Variants in SLC35F5 observed in about 807,000 individuals in gnomAD.
The protein encoded by SLC35F5 is solute carrier family 35 member F5, also known as HCV NS5A-transactivated protein 3.
In SLC35F5, 54 loss-of-function variants were observed where a neutral mutation model predicts 68.6. That is an observed-to-expected ratio of 0.79 (90% confidence interval 0.63 to 0.99). The LOEUF (loss-of-function observed/expected upper bound fraction) is 0.99. SLC35F5 is among the 50% of genes least tolerant of loss of function. The pLI is 0.00. For missense variants in SLC35F5, 567 were observed against 626.9 expected, an observed-to-expected ratio of 0.90 and a Z score of 1.02; for synonymous variants, 211 against 205.2, an observed-to-expected ratio of 1.03 and a Z score of -0.24.
chr2:113,737,402 A>G (rs1688133153), intron 7 of SLC35F5, among the ~76,000 whole-genome samples: 1 of 152,226 alleles, frequency 6.6e-6, no homozygotes, highest in Admixed American at 6.5e-5. Flanking sequence ...TCACATGCCT[A>G]TCTAGATAAA....
intron 1 of SLC35F5, 120 bp downstream of exon 1, chr2:113,756,250 C>T: frequency 6.5e-7 from 1 of 1,538,206 alleles, no homozygotes; most frequent in Non-Finnish European, 8.7e-7. Context: ...CCCCTAGAGA[C>T]CTTCACGGTT....
At position 113,708,285 on chromosome 2, in the gene SLC35F5, T is replaced by G. The variant is rs575555155; in HGVS notation, c.*6933A>C. Among the ~76,000 whole-genome samples, 1 of 152,352 alleles carries G rather than the reference T, an allele frequency of 6.6e-6. No homozygotes were observed. Among genetic ancestry groups the G allele is most frequent in the African/African-American group, 2.4e-5 (1 of 41,592 alleles). The stretch of plus-strand genomic sequence containing the variant: ...AAAAGAACCCCGGTTGTGATTATTT[T>G]TTTCTAACAAAATGGAATTAAAAGA... On this transcript the variant is annotated 3_prime_UTR_variant, in exon 16 of 16. Coordinates refer to ENST00000245680, the MANE Select transcript of SLC35F5 (RefSeq NM_025181.5).
chr2:113,753,840 A>G (rs562029295), intron 3 of SLC35F5, among the ~76,000 whole-genome samples: 1 of 152,336 alleles, frequency 6.6e-6, no homozygotes, highest in South Asian at 2.1e-4. Context: ...AAATGAAAAT[A>G]AAATTTAAAA....
downstream of SLC35F5, among the ~76,000 whole-genome samples, chr2:113,704,551 C>A (rs1395269717): frequency 6.6e-6 from 1 of 152,260 alleles, no homozygotes; most frequent in Non-Finnish European, 1.5e-5. Flanking sequence ...CCCTGCCCCG[C>A]GGGGAGGCAG....
chr2:113,755,484 A>T lies in SLC35F5; in HGVS notation c.101T>A (p.Leu34His). Residue 34 changes from leucine (L) to histidine (H), a missense_variant, in exon 2 of 16, where the codon CTT becomes CAT. Coordinates refer to ENST00000245680, the MANE Select transcript of SLC35F5 (RefSeq NM_025181.5). ...LRSAKFSGIA[L>H]EDLRRALKTR... ...CTTAAGAGCCCTTCTGAGATCCTCA[A>T]GAGCAATGCCGGAAAACTTGGCAGA... 1 of 1,614,186 alleles carries T rather than the reference A, an allele frequency of 6.2e-7. No individual in the cohort carries two copies. The highest frequency in any genetic ancestry group is 1.1e-5 in the South Asian group (1 of 91,072).
At chr2:113,741,899 T>G (rs1676291569) in intron 7 of SLC35F5, 1 of 152,102 alleles carries the variant, frequency 6.6e-6, no homozygotes, top group Non-Finnish European at 1.5e-5. Context: ...TTAAAAAAAT[T>G]TTATAATCAG....
At chr2:113,750,647 A>G (rs934864634) in intron 3 of SLC35F5, 79 bp from the exon 4 acceptor site, 6 of 1,265,936 alleles carry the variant, frequency 4.7e-6, no homozygotes, top group South Asian at 4.0e-5. Flanking sequence ...AAGTCACTAC[A>G]TGATTTTTAA....
rs1686961601 is a variant in SLC35F5, at chr2:113,710,825, C to A, written c.*4393G>T. ...AAAAATAAGACTCTTGGACAGAAATCTTCTGCCTGCCTTCCAAGGACCCAC... is the reference window on the plus strand; with the variant it reads ...AAAAATAAGACTCTTGGACAGAAATATTCTGCCTGCCTTCCAAGGACCCAC... On this transcript the variant is annotated 3_prime_UTR_variant, in exon 16 of 16. Coordinates refer to ENST00000245680, the MANE Select transcript of SLC35F5 (RefSeq NM_025181.5). Among the ~76,000 whole-genome samples the A allele has an allele frequency of 6.6e-6, 1 of 151,982 alleles. No homozygotes were observed. Among genetic ancestry groups the A allele is most frequent in the Non-Finnish European group, 1.5e-5 (1 of 67,988 alleles).
At chr2:113,751,352 T>C (rs11690450) in intron 3 of SLC35F5, among the ~76,000 whole-genome samples, 5,564 of 152,300 alleles carry the variant, frequency 0.037, 136 homozygotes, top group Middle Eastern at 0.12. Flanking sequence ...TTTTTGTTTG[T>C]TTGTTTGTTT....
chr2:113,742,740 T>C lies in SLC35F5; in HGVS notation c.702A>G (p.Lys234=). ...TTTTCGCTACTTGAGTTGCAGTAAGTTTCCCCACAGTTTTCAGTATGGATT... is the reference window on the plus strand; with the variant it reads ...TTTTCGCTACTTGAGTTGCAGTAAGCTTCCCCACAGTTTTCAGTATGGATT... ...EQESILKTVG[K]LTATQVAKIS... is the part of the protein sequence containing the mutation. The change falls in exon 7 of 16, where the codon AAA becomes AAG. Residue 234 remains lysine (K), a synonymous_variant. Transcript: ENST00000245680. The C allele has an allele frequency of 3.7e-6, 6 of 1,613,942 alleles. No individual in the cohort carries two copies. The highest frequency in any genetic ancestry group is 1.3e-5 in the African/African-American group (1 of 74,982).
rs7595291 is a variant in SLC35F5, at chr2:113,708,365, G to A, written c.*6853C>T. Among the ~76,000 whole-genome samples the A allele has an allele frequency of 0.012, 1,785 of 152,288 alleles. 42 individuals carry two copies. Among genetic ancestry groups the A allele is most frequent in the African/African-American group, 0.04 (1,652 of 41,558 alleles). On this transcript the variant is annotated 3_prime_UTR_variant, in exon 16 of 16. Coordinates refer to ENST00000245680, the MANE Select transcript of SLC35F5 (RefSeq NM_025181.5). ...TACTTTTAGCATCCCCAACTTTTAAGATTATAAATTCACAATAGTGAACAC... is the reference window on the plus strand; with the variant it reads ...TACTTTTAGCATCCCCAACTTTTAAAATTATAAATTCACAATAGTGAACAC...
At chr2:113,726,739 G>A (rs562382617) in intron 11 of SLC35F5, among the ~76,000 whole-genome samples, 4 of 152,220 alleles carry the variant, frequency 2.6e-5, no homozygotes, top group East Asian at 1.9e-4. Context: ...GAGGCTTTAC[G>A]AGGCCAGCCA....
rs146197632 is a variant in SLC35F5, at chr2:113,715,635, T to C, written c.*23-440A>G. Among the ~76,000 whole-genome samples the C allele has an allele frequency of 2.3e-3, 351 of 152,226 alleles. 3 individuals carry two copies. Among genetic ancestry groups the C allele is most frequent in the African/African-American group, 8.1e-3 (338 of 41,544 alleles). On this transcript the variant is annotated intron_variant, in intron 15 of 15. Coordinates refer to ENST00000245680, the MANE Select transcript of SLC35F5 (RefSeq NM_025181.5). ...CAGCATACCCAAGAAAAATAATGCA[T>C]AAATTACAGCATTAAAAAGCTTTCA...
downstream of SLC35F5, among the ~76,000 whole-genome samples, chr2:113,702,724 A>T (rs1228288194): frequency 2.6e-5 from 4 of 152,208 alleles, no homozygotes; most frequent in African/African-American, 7.2e-5. Context: ...TTACAGGAAG[A>T]TTTTAAAGAA....
At chr2:113,748,377 G>A (rs535442721) in intron 4 of SLC35F5, among the ~76,000 whole-genome samples, 17 of 152,204 alleles carry the variant, frequency 1.1e-4, no homozygotes, top group African/African-American at 1.9e-4. Flanking sequence ...ATGTTAGCCA[G>A]GCTGGTCTCA....
chr2:113,756,403 G>A lies in SLC35F5; in HGVS notation c.7C>T (p.Pro3Ser). 6.4e-7 allele frequency: 1 copy of A among 1,559,878 alleles called. No homozygotes were observed. Among genetic ancestry groups the A allele is most frequent in the Non-Finnish European group, 8.7e-7 (1 of 1,153,952 alleles). MV[P>S]PRRHRGAGRP... is the part of the protein sequence containing the mutation. ...CCTGCCCCGCGATGGCGTCGTGGCG[G>A]CACCATGAGCGGACCGGTCAGGCCC... The change falls in exon 1 of 16, where the codon CCG becomes TCG. Residue 3 changes from proline to serine, a missense_variant. Transcript: ENST00000245680.
At chr2:113,730,948 G>A (rs572898862) in intron 10 of SLC35F5, among the ~76,000 whole-genome samples, 1 of 152,154 alleles carries the variant, frequency 6.6e-6, no homozygotes, top group African/African-American at 2.4e-5. Context: ...ACTTTACACT[G>A]GAGTAGGGTG....
rs926881974 is a variant in SLC35F5, at chr2:113,711,528, G to A, written c.*3690C>T. 6.6e-6 allele frequency among the ~76,000 whole-genome samples: 1 copy of A among 152,138 alleles called. No homozygotes were observed. Among genetic ancestry groups the A allele is most frequent in the Non-Finnish European group, 1.5e-5 (1 of 68,020 alleles). On this transcript the variant is annotated 3_prime_UTR_variant, in exon 16 of 16. Transcript: ENST00000245680. ...GCTGTTACTATAAAAAAAATGTGGTGTCTAAAAATTGCAAGTCTATGTGAA... is the reference window on the plus strand; with the variant it reads ...GCTGTTACTATAAAAAAAATGTGGTATCTAAAAATTGCAAGTCTATGTGAA...
At position 113,712,038 on chromosome 2, in the gene SLC35F5, T is replaced by C. The variant is rs1687004609; in HGVS notation, c.*3180A>G. Among the ~76,000 whole-genome samples the C allele has an allele frequency of 6.6e-6, 1 of 152,210 alleles. No individual in the cohort carries two copies. The highest frequency in any genetic ancestry group is 1.5e-5 in the Non-Finnish European group (1 of 68,038). On this transcript the variant is annotated 3_prime_UTR_variant, in exon 16 of 16. Transcript: ENST00000245680. ...CATACCTCAAATTGGCTCTGCATGA[T>C]TGATTTTACAGCGGGCATTAAAATT...
Sources: allele counts gnomAD v4.1 joint callset (sites outside exome capture counted in the v4.1 genomes callset), GRCh38; gene constraint gnomAD v4.1.1; transcripts MANE v1.5; gene names NCBI Gene and HGNC (gene_info 2026-07-23, HGNC 2026-07-21).